The following TADA2A variants were observed in gnomAD, a reference collection of about 807,000 sequenced individuals.
TADA2A encodes the protein transcriptional adapter 2-alpha.
TADA2A carries 38 observed loss-of-function variants against 67.4 expected under a neutral mutation model. The ratio of observed to expected loss-of-function variants is 0.56; its 90% CI spans 0.44 to 0.74. TADA2A has a LOEUF of 0.74. TADA2A is among the 30% of genes least tolerant of loss of function. TADA2A has a pLI of 0.00. For synonymous variants in TADA2A, 192 were observed against 181.6 expected (o/e 1.06, Z -0.46); for missense variants, 454 against 547.0 (o/e 0.83, Z 1.70).
At chr17:37,445,845 T>C (rs2053062904) in intron 8 of TADA2A, among the ~76,000 whole-genome samples, 1 of 152,142 alleles carries the variant, frequency 6.6e-6, no homozygotes, top group African/African-American at 2.4e-5. Flanking sequence ...AAGAGCATCT[T>C]CATGATTTCT....
intron 2 of TADA2A, among the ~76,000 whole-genome samples, chr17:37,420,550 A>C (rs1438477924): frequency 6.9e-6 from 1 of 145,066 alleles, no homozygotes; most frequent in African/African-American, 2.5e-5. Flanking sequence ...CCACCACCAC[A>C]CCTGGCTAAT....
At chr17:37,437,887 G>A in intron 5 of TADA2A, 58 bp downstream of exon 5, 1 of 1,513,060 alleles carries the variant, frequency 6.6e-7, no homozygotes, top group South Asian at 1.1e-5. Context: ...AGAAGCTGTT[G>A]TTGAAGAGTA....
rs139649168 is a variant in TADA2A at position 37,475,378 on chromosome 17, A to G, written c.1146+749A>G. On this transcript the variant is annotated intron_variant, in intron 15 of 15. Coordinates refer to ENST00000615182, the MANE Select transcript of TADA2A (RefSeq NM_001166105.3). ...TTTTTAGTAGAGATGGGGTTTCACC[A>G]TGTTGGCCAGGCTGATCTTGAACTC... Among the ~76,000 whole-genome samples the G allele has an allele frequency of 5.1e-3, 778 of 151,866 alleles. 7 individuals carry two copies. The highest frequency in any genetic ancestry group is 0.018 in the African/African-American group (734 of 41,382).
In TADA2A at chr17:37,478,919, G is replaced by A. The variant is rs1467227944; in HGVS notation, c.*1937G>A. On this transcript the variant is annotated 3_prime_UTR_variant, in exon 16 of 16. Coordinates refer to ENST00000615182, the MANE Select transcript of TADA2A (RefSeq NM_001166105.3). ...AAAAAGAATGACGTGGAAATGACCTGTTTTCCTTGTAAAATCATATCTCGT... is the reference window on the plus strand; with the variant it reads ...AAAAAGAATGACGTGGAAATGACCTATTTTCCTTGTAAAATCATATCTCGT... The A allele has an allele frequency of 6.6e-6, 1 of 152,120 alleles. No homozygotes were observed. The highest frequency in any genetic ancestry group is 6.5e-5 in the Admixed American group (1 of 15,270). The allele number at this position is 152,120 out of a possible 1,614,324, so 9.4% of individuals were successfully genotyped here.
At chr17:37,476,721 T>A (rs1832438568) in intron 15 of TADA2A, 76 bp from the exon 16 acceptor site, 2 of 1,520,208 alleles carry the variant, frequency 1.3e-6, no homozygotes, top group Non-Finnish European at 1.8e-6. Flanking sequence ...CTTTAAAAAA[T>A]TTTTTGCTAT....
chr17:37,472,019 G>A (rs756753540), intron 14 of TADA2A, among the ~76,000 whole-genome samples: 1 of 151,840 alleles, frequency 6.6e-6, no homozygotes, highest in African/African-American at 2.4e-5. Flanking sequence ...ATTGGGGGAG[G>A]TATGTCTCAG....
In TADA2A at chr17:37,444,720, G is replaced by A; in HGVS notation, c.556G>A (p.Asp186Asn). The A allele has an allele frequency of 2.5e-6, 4 of 1,614,076 alleles. No homozygotes were observed. The highest frequency in any genetic ancestry group is 3.4e-6 in the Non-Finnish European group (4 of 1,180,012). The change falls in exon 8 of 16, where the codon GAC (aspartate) becomes AAC (asparagine). Residue 186 changes from aspartate (D) to asparagine (N), a missense_variant. Around this residue, in one of 2 missense-constraint regions of TADA2A, gnomAD observed 403 missense variants for 455.5 expected, o/e 0.88. Coordinates refer to ENST00000615182, the MANE Select transcript of TADA2A (RefSeq NM_001166105.3). ...IEEFDNYAEWDLRDIDFVEDD... is the reference protein window; with the variant it reads ...IEEFDNYAEWNLRDIDFVEDD... ...GGAATTTGACAATTATGCAGAATGGGACTTGAGAGACATTGATTTTGTTGA... is the reference window on the plus strand; with the variant it reads ...GGAATTTGACAATTATGCAGAATGGAACTTGAGAGACATTGATTTTGTTGA...
intron 2 of TADA2A, among the ~76,000 whole-genome samples, chr17:37,416,182 G>A (rs1489968363): frequency 6.7e-6 from 1 of 148,988 alleles, no homozygotes; most frequent in Non-Finnish European, 1.5e-5. Context: ...GCAATGGTGC[G>A]ATCTCGGCTC....
At chr17:37,462,768 A>G (rs2053576950) in intron 10 of TADA2A, among the ~76,000 whole-genome samples, 1 of 152,236 alleles carries the variant, frequency 6.6e-6, no homozygotes, top group Non-Finnish European at 1.5e-5. Flanking sequence ...GGATAGAGTC[A>G]TGTTTTGCAA....
intron 8 of TADA2A, chr17:37,454,659 AG>A: frequency 3.8e-6 from 1 of 266,138 alleles, no homozygotes. Flanking sequence ...AGCATAAAAA[AG>A]GGACACTTGG....
chr17:37,470,088 AAGTT>A (rs2053753758), intron 12 of TADA2A, among the ~76,000 whole-genome samples: 1 of 152,192 alleles, frequency 6.6e-6, no homozygotes, highest in East Asian at 1.9e-4. Flanking sequence ...ACTATAGTAA[AAGTT>A]GGTTACTTTT....
Position 37,440,515 on chromosome 17 carries a change from G to A in TADA2A, c.295G>A (p.Ala99Thr). ...CCCACAATCCTCTAGGCAGGATGTA[G>A]CCAATCAAATGTGCACCAAGACCAA... ...DCGFGNWQDVANQMCTKTKEE... is the reference protein window; with the variant it reads ...DCGFGNWQDVTNQMCTKTKEE... The change falls in exon 6 of 16, where the codon GCC (alanine) becomes ACC (threonine). Residue 99 changes from alanine (A) to threonine (T), a missense_variant. Around this residue, in one of 2 missense-constraint regions of TADA2A, gnomAD observed 403 missense variants for 455.5 expected, o/e 0.88. Transcript: ENST00000615182. 1 of 1,614,058 alleles carries A rather than the reference G, an allele frequency of 6.2e-7. No individual in the cohort carries two copies. Among genetic ancestry groups the A allele is most frequent in the Admixed American group, 1.7e-5 (1 of 60,000 alleles).
intron 4 of TADA2A, among the ~76,000 whole-genome samples, chr17:37,431,438 C>T (rs1277262000): frequency 1.3e-5 from 2 of 152,130 alleles, no homozygotes; most frequent in Non-Finnish European, 1.5e-5. Context: ...AGTACGTGCT[C>T]AGATGAAAAT....
intron 4 of TADA2A, among the ~76,000 whole-genome samples, chr17:37,435,253 G>A (rs2052687136): frequency 6.6e-6 from 1 of 152,094 alleles, no homozygotes; most frequent in Admixed American, 6.6e-5. Flanking sequence ...ATTTAAATAC[G>A]AGACTACAAG....
intron 2 of TADA2A, among the ~76,000 whole-genome samples, chr17:37,417,155 G>A (rs1469423716): frequency 2.0e-5 from 3 of 151,932 alleles, no homozygotes; most frequent in Admixed American, 6.6e-5. Context: ...TGAGGCAGAC[G>A]GATCACCTGA....
chr17:37,438,530 G>A (rs2052800993), intron 5 of TADA2A, among the ~76,000 whole-genome samples: 1 of 152,090 alleles, frequency 6.6e-6, no homozygotes, highest in African/African-American at 2.4e-5. Context: ...TCTTAATTAG[G>A]TCCTCCCTGT....
At position 37,461,836 on chromosome 17, in the gene TADA2A, G is replaced by C. The variant is rs1038847639; in HGVS notation, c.669-242G>C. ...TGAGTGGTTATTGATTGATTCATTC[G>C]TTCAGCAAATAGTCATGGAGAGTCT... On this transcript the variant is annotated intron_variant, in intron 9 of 15. Transcript: ENST00000615182. 15 of 361,916 alleles carry C rather than the reference G, an allele frequency of 4.1e-5. No individual in the cohort carries two copies. In the South Asian group the frequency reaches 8.8e-4, roughly 21 times the overall value. The allele number at this position is 361,916 out of a possible 1,614,324, so 22.4% of individuals were successfully genotyped here.
rs757240754 is a variant in TADA2A at position 37,460,547 on chromosome 17, A to G, written c.669-1531A>G. On this transcript the variant is annotated intron_variant, in intron 9 of 15. Coordinates refer to ENST00000615182, the MANE Select transcript of TADA2A (RefSeq NM_001166105.3). ...GGCATGAGCCACTGCCCCCAGCCCT[A>G]TTGTGCTTTTTTAATGTTCTCTTTC... Among the ~76,000 whole-genome samples, 5 of 152,106 alleles carry G rather than the reference A, an allele frequency of 3.3e-5. 1 individual carries two copies. Among genetic ancestry groups the G allele is most frequent in the Non-Finnish European group, 7.4e-5 (5 of 68,010 alleles).
chr17:37,407,704 C>A (rs930550295), intron 1 of TADA2A, among the ~76,000 whole-genome samples: 1 of 152,062 alleles, frequency 6.6e-6, no homozygotes, highest in Admixed American at 6.5e-5. Context: ...TCTCCGCCTC[C>A]CAGGCTCAAG....
Sources: allele counts gnomAD v4.1 joint callset (sites outside exome capture counted in the v4.1 genomes callset), GRCh38; gene constraint gnomAD v4.1.1; regional missense constraint gnomAD v4.1.1; transcripts MANE v1.5; gene names NCBI Gene and HGNC (gene_info 2026-07-23, HGNC 2026-07-21).